Variants in WWOX observed in about 807,000 individuals in gnomAD.
WWOX encodes the protein WW domain containing oxidoreductase, also known as WW domain-containing oxidoreductase.
Under a neutral mutation model 46.2 loss-of-function variants are expected in WWOX, and 69 were observed. That is an observed-to-expected ratio of 1.49 (90% CI 1.23 to 1.82). WWOX has a LOEUF of 1.82. WWOX is among the 40% of genes most tolerant of loss of function. The pLI, the probability that WWOX is intolerant of heterozygous loss-of-function variation, is 0.00. For synonymous variants in WWOX, 359 were observed against 202.6 expected, an observed-to-expected ratio of 1.77 and a Z score of -6.56; for missense variants, 919 against 542.6, an observed-to-expected ratio of 1.69 and a Z score of -6.89.
At chr16:79,182,988 G>T (rs2050942540) in intron 8 of WWOX, among the ~76,000 whole-genome samples, 1 of 152,228 alleles carries the variant, frequency 6.6e-6, no homozygotes, top group African/African-American at 2.4e-5. Context: ...TACTAGGCGG[G>T]TCAGCATAGT....
At chr16:79,143,328 G>A (rs541137418) in intron 8 of WWOX, among the ~76,000 whole-genome samples, 53 of 152,292 alleles carry the variant, frequency 3.5e-4, no homozygotes, top group African/African-American at 1.2e-3. Flanking sequence ...CACATTAAAT[G>A]TATTTAAATT....
chr16:78,750,523 G>A (rs990262800), intron 8 of WWOX, among the ~76,000 whole-genome samples: 4 of 152,072 alleles, frequency 2.6e-5, no homozygotes, highest in African/African-American at 9.7e-5. Context: ...GGGTACATGT[G>A]TAGGTCTGTT....
rs1026909209 is a variant in WWOX at position 79,092,687 on chromosome 16, A to G, written c.1057-118921A>G. Among the ~76,000 whole-genome samples the G allele has an allele frequency of 3.9e-5, 6 of 152,346 alleles. No homozygotes were observed. In the East Asian group the frequency reaches 5.8e-4, roughly 15 times the overall value. On this transcript the variant is annotated intron_variant, in intron 8 of 8. Coordinates refer to ENST00000566780, the MANE Select transcript of WWOX (RefSeq NM_016373.4). ...TTGTGATGGAAACAGAGACAGATGTATGTACCTTTCATGGACATAATTTCC... is the reference window on the plus strand; with the variant it reads ...TTGTGATGGAAACAGAGACAGATGTGTGTACCTTTCATGGACATAATTTCC...
rs79844090 is a variant in WWOX at position 79,056,072 on chromosome 16, C to T, written c.1057-155536C>T. 8.9e-3 allele frequency among the ~76,000 whole-genome samples: 1,332 copies of T among 150,292 alleles called. 13 individuals carry two copies. The highest frequency in any genetic ancestry group is 0.032 in the African/African-American group (1,258 of 39,864). On this transcript the variant is annotated intron_variant, in intron 8 of 8. Transcript: ENST00000566780. ...AATTACTAATTTGAATAGCTTAGCA[C>T]AGCTCAGCTTGTAAAAAAAAAGGAA... is the stretch of plus-strand genomic sequence containing the variant.
chr16:78,373,555 A>G (rs891179441), intron 5 of WWOX, among the ~76,000 whole-genome samples: 9 of 152,098 alleles, frequency 5.9e-5, no homozygotes, highest in African/African-American at 1.9e-4. Flanking sequence ...TCTTTTTCCT[A>G]TGCTGTGGAA....
chr16:78,709,670 A>G (rs1459618153), intron 8 of WWOX, among the ~76,000 whole-genome samples: 1 of 151,852 alleles, frequency 6.6e-6, no homozygotes, highest in Non-Finnish European at 1.5e-5. Context: ...TGTGATTCCA[A>G]GTCTGCTGAT....
chr16:78,653,832 C>G (rs565118105), intron 8 of WWOX, among the ~76,000 whole-genome samples: 1 of 152,322 alleles, frequency 6.6e-6, no homozygotes, highest in East Asian at 1.9e-4. Context: ...ACCACAGTAA[C>G]TTTTAGCACC....
At chr16:78,698,470 C>G (rs1031299741) in intron 8 of WWOX, among the ~76,000 whole-genome samples, 1 of 152,158 alleles carries the variant, frequency 6.6e-6, no homozygotes, top group East Asian at 1.9e-4. Context: ...TTCCAACTTG[C>G]ATTTCTTATT....
intron 8 of WWOX, among the ~76,000 whole-genome samples, chr16:78,802,290 G>A (rs899760701): frequency 2.0e-5 from 3 of 149,500 alleles, no homozygotes; most frequent in African/African-American, 7.4e-5. Flanking sequence ...TATTTAACGG[G>A]TGTTTCATTT....
chr16:78,298,248 A>G (rs1040712792), intron 5 of WWOX, among the ~76,000 whole-genome samples: 1 of 152,156 alleles, frequency 6.6e-6, no homozygotes, highest in Non-Finnish European at 1.5e-5. Flanking sequence ...TACAGGGGTG[A>G]TCACAAACAG....
rs987106407 is a variant in WWOX at position 78,938,133 on chromosome 16, C to T, written c.1057-273475C>T. 5.9e-5 allele frequency among the ~76,000 whole-genome samples: 9 copies of T among 152,246 alleles called. 1 individual carries two copies. The highest frequency in any genetic ancestry group is 2.6e-4 in the Admixed American group (4 of 15,298). On this transcript the variant is annotated intron_variant, in intron 8 of 8. Transcript: ENST00000566780. ...TTATTTTTCATCTCCTCACATCTGG[C>T]GCTGAATGTCAGGACCTTCCTGGCC...
At chr16:78,841,566 A>T (rs190499832) in intron 8 of WWOX, among the ~76,000 whole-genome samples, 2 of 152,254 alleles carry the variant, frequency 1.3e-5, no homozygotes, top group African/African-American at 4.8e-5. Flanking sequence ...TGATGTCTGT[A>T]TTAAAATATA....
chr16:78,735,394 A>ACACACACACACAC (rs2049064573), intron 8 of WWOX, among the ~76,000 whole-genome samples: 1 of 121,270 alleles, frequency 8.2e-6, no homozygotes, highest in African/African-American at 3.1e-5. Flanking sequence ...ACCACACACA[A>ACACACACACACAC]ACACACACAC....
intron 8 of WWOX, among the ~76,000 whole-genome samples, chr16:78,918,058 C>T (rs2045292694): frequency 6.6e-6 from 1 of 151,804 alleles, no homozygotes; most frequent in Non-Finnish European, 1.5e-5. Context: ...TAAAATTAGC[C>T]AGGCGTGGTG....
intron 8 of WWOX, among the ~76,000 whole-genome samples, chr16:78,827,579 T>A (rs1374772130): frequency 4.6e-5 from 7 of 151,760 alleles, no homozygotes; most frequent in Non-Finnish European, 8.8e-5. Context: ...ATGCCTGTAA[T>A]CCCAGCACTT....
intron 8 of WWOX, among the ~76,000 whole-genome samples, chr16:79,188,166 G>A (rs142337034): frequency 4.0e-4 from 61 of 152,206 alleles, no homozygotes; most frequent in African/African-American, 1.4e-3. Context: ...GAAGTCTTGA[G>A]CTAAACGAAG....
At chr16:78,652,404 G>A (rs569370067) in intron 8 of WWOX, among the ~76,000 whole-genome samples, 11 of 118,084 alleles carry the variant, frequency 9.3e-5, no homozygotes, top group Admixed American at 4.7e-4. Context: ...GCGAGACTCC[G>A]TCTCAAAAAA....
At chr16:78,622,800 C>A (rs772650055) in intron 8 of WWOX, among the ~76,000 whole-genome samples, 3 of 152,162 alleles carry the variant, frequency 2.0e-5, no homozygotes, top group Non-Finnish European at 4.4e-5. Context: ...TAAGGTCTTA[C>A]ATGAGACAGA....
chr16:78,186,679 T>A (rs2035716012), intron 5 of WWOX, among the ~76,000 whole-genome samples: 1 of 152,150 alleles, frequency 6.6e-6, no homozygotes, highest in East Asian at 1.9e-4. Flanking sequence ...GCAGGAGAAT[T>A]GCTTGAACTT....
Sources: allele counts gnomAD v4.1 joint callset (sites outside exome capture counted in the v4.1 genomes callset), GRCh38; gene constraint gnomAD v4.1.1; transcripts MANE v1.5; gene names NCBI Gene and HGNC (gene_info 2026-07-23, HGNC 2026-07-21).